Variants in COL6A1 observed in about 807,000 individuals in gnomAD.
COL6A1 encodes collagen type VI alpha 1 chain.
Under a neutral mutation model 145.6 loss-of-function variants are expected in COL6A1, and 80 were observed. That is an observed-to-expected ratio of 0.55 (90% CI 0.46 to 0.66). The LOEUF (loss-of-function observed/expected upper bound fraction) is 0.66. Ranked by LOEUF, COL6A1 falls within the 30% of genes least tolerant of loss-of-function variation. COL6A1 has a pLI of 0.00. For missense variants in COL6A1, 1,364 were observed against 1,473.8 expected, an observed-to-expected ratio of 0.93 and a Z score of 1.22; for synonymous variants, 638 against 622.8, an observed-to-expected ratio of 1.02 and a Z score of -0.36.
chr21:46,001,260 G>A lies in COL6A1; in HGVS notation c.1830G>A (p.Lys610=). ...IMKMCSCCEC[K]CGPIDLLFVL... is the part of the protein sequence containing the mutation. The stretch of plus-strand genomic sequence containing the variant: ...CACCGCCCCCGCCTGCAGAATGCAA[G>A]TGCGGCCCCATCGACCTCCTGTTCG... Residue 610 remains lysine, a synonymous_variant, in exon 30 of 35, where the codon AAG becomes AAA. Transcript: ENST00000361866. 1.9e-6 allele frequency: 3 copies of A among 1,608,288 alleles called. No individual in the cohort carries two copies. Among genetic ancestry groups the A allele is most frequent in the Non-Finnish European group, 1.7e-6 (2 of 1,179,586 alleles).
In COL6A1 at chr21:46,002,328, T is replaced by A; in HGVS notation, c.2177T>A (p.Val726Asp). 6.3e-7 allele frequency: 1 copy of A among 1,592,720 alleles called. No homozygotes were observed. The highest frequency in any genetic ancestry group is 8.5e-7 in the Non-Finnish European group (1 of 1,170,902). ...PPSPNNRIALVITDGRSDTQR... is the reference protein window; with the variant it reads ...PPSPNNRIALDITDGRSDTQR... ...AGCCCGAACAACCGCATCGCCCTGG[T>A]CATCACTGACGGGCGCTCAGACACT... The change falls in exon 32 of 35, where the codon GTC becomes GAC. Residue 726 changes from valine (V) to aspartate (D), a missense_variant. By Grantham distance (152) the Val-to-Asp change is radical. Coordinates refer to ENST00000361866, the MANE Select transcript of COL6A1 (RefSeq NM_001848.3).
rs74982956 is a variant in COL6A1 at position 45,991,080 on chromosome 21, C to T, written c.1119+39C>T. 14,510 of 1,606,404 alleles carry T rather than the reference C, an allele frequency of 9.0e-3. 899 individuals are homozygous for T. In the East Asian group the frequency reaches 0.18, roughly 20 times the overall value. ...GGCCCCTGGAGGACCAGGGCCTTCA[C>T]GGTTGGCCAAGCGCTGAATTGGAAA... On this transcript the variant is annotated intron_variant, in intron 15 of 34. Coordinates refer to ENST00000361866, the MANE Select transcript of COL6A1 (RefSeq NM_001848.3).
rs1010737846 is a variant in COL6A1, at chr21:45,990,625, G to T, written c.1003-148G>T. On this transcript the variant is annotated intron_variant, in intron 13 of 34. Transcript: ENST00000361866. ...AGGGACAGGGAGGAGTGGGGTGGACGGTGTGAAGGTGACCCCAGGGGGGTG... is the reference window on the plus strand; with the variant it reads ...AGGGACAGGGAGGAGTGGGGTGGACTGTGTGAAGGTGACCCCAGGGGGGTG... 1.1e-5 allele frequency: 9 copies of T among 785,746 alleles called. No homozygotes were observed. The African/African-American group carries it at 1.4e-4, about 12-fold the overall frequency. The allele number at this position is 785,746 out of a possible 1,614,324, so 48.7% of individuals were successfully genotyped here. A position where few individuals can be genotyped will look rare whatever the true frequency, so the allele number is the denominator to read the frequency against.
chr21:45,996,362 C>T (rs995371129), intron 20 of COL6A1, among the ~76,000 whole-genome samples: 1 of 152,204 alleles, frequency 6.6e-6, no homozygotes, highest in Non-Finnish European at 1.5e-5. Context: ...GGGCGTTGAC[C>T]ACGAAGGGTG....
chr21:45,990,849 T>C, intron 14 of COL6A1, 23 bp downstream of exon 14: 1 of 1,613,142 alleles, frequency 6.2e-7, no homozygotes, highest in Non-Finnish European at 8.5e-7. Flanking sequence ...CTCTCACTGA[T>C]ACTTTAAAAC....
rs1297112563 is a variant in COL6A1 at position 46,004,703 on chromosome 21, C to G, written c.*690C>G. The G allele has an allele frequency of 1.1e-5, 5 of 453,628 alleles. No individual in the cohort carries two copies. In the Admixed American group the frequency reaches 1.2e-4, roughly 11 times the overall value. The allele number at this position is 453,628 out of a possible 1,614,324, so 28.1% of individuals were successfully genotyped here. On this transcript the variant is annotated 3_prime_UTR_variant, in exon 35 of 35. Transcript: ENST00000361866. The stretch of plus-strand genomic sequence containing the variant: ...GCTGGTGACCGGCCTGGACCTTGGC[C>G]CTACAGCCCTGGAGGCCGCTGCTGA...
chr21:45,996,025 A>C lies in COL6A1; in HGVS notation c.1399-1396A>C, dbSNP rs1431664018. On this transcript the variant is annotated intron_variant, in intron 20 of 34. Transcript: ENST00000361866. Reference sequence around the variant, plus strand: ...CCAGCATGGGGCTCTCCCTGTGTGGATGCCAGAAGCAGTTGGGCCCTCAGG... The same window carrying C: ...CCAGCATGGGGCTCTCCCTGTGTGGCTGCCAGAAGCAGTTGGGCCCTCAGG... 2.0e-5 allele frequency among the ~76,000 whole-genome samples: 3 copies of C among 152,164 alleles called. No homozygotes were observed. The East Asian group carries it at 5.8e-4, about 29-fold the overall frequency.
chr21:46,003,062 CT>C, intron 33 of COL6A1, 57 bp from the exon 34 acceptor site: 2 of 1,613,280 alleles, frequency 1.2e-6, no homozygotes, highest in Non-Finnish European at 1.7e-6. Flanking sequence ...GTGACATCTC[CT>C]TGCGGGGTTA....
At chr21:45,983,693 G>T (rs1174672996) in intron 2 of COL6A1, among the ~76,000 whole-genome samples, 1 of 152,190 alleles carries the variant, frequency 6.6e-6, no homozygotes, top group African/African-American at 2.4e-5. Context: ...CACCGGGGAG[G>T]GGCGGCCGCG....
At chr21:45,992,652 C>T (rs1173686258) in intron 18 of COL6A1, 96 bp from the exon 19 acceptor site, 3 of 1,297,934 alleles carry the variant, frequency 2.3e-6, no homozygotes, top group South Asian at 1.3e-5. Flanking sequence ...AGGGGTCCTG[C>T]TGGGGGAGTC....
chr21:46,002,523 A>T lies in COL6A1; in HGVS notation c.2251-4A>T. ...CGCCACACCGATACTGTCTGTCCCCACAGGTGGTCTCCGTGGGCATCAAAG... is the reference window on the plus strand; with the variant it reads ...CGCCACACCGATACTGTCTGTCCCCTCAGGTGGTCTCCGTGGGCATCAAAG... On this transcript the variant is annotated splice_polypyrimidine_tract_variant and splice_region_variant and intron_variant, in intron 32 of 34. Transcript: ENST00000361866. 3.1e-6 allele frequency: 5 copies of T among 1,613,958 alleles called. No homozygotes were observed. Among genetic ancestry groups the T allele is most frequent in the Non-Finnish European group, 4.2e-6 (5 of 1,179,902 alleles).
At chr21:45,983,248 G>T (rs1265730217) in intron 2 of COL6A1, among the ~76,000 whole-genome samples, 2 of 152,194 alleles carry the variant, frequency 1.3e-5, no homozygotes, top group Admixed American at 6.5e-5. Context: ...GCCAGGAGGG[G>T]TGTCGCTCTG....
Position 45,991,057 on chromosome 21 carries a change from C to A in COL6A1, c.1119+16C>A, listed in dbSNP as rs1370050036. 6.2e-7 allele frequency: 1 copy of A among 1,613,050 alleles called. No homozygotes were observed. Among genetic ancestry groups the A allele is most frequent in the Admixed American group, 1.7e-5 (1 of 60,018 alleles). On this transcript the variant is annotated intron_variant, in intron 15 of 34. Transcript: ENST00000361866. ...AGGAGAAAAGGTGAGTGACTTGCGG[C>A]CCCTGGAGGACCAGGGCCTTCACGG...
Position 45,984,327 on chromosome 21 carries a change from G to T in COL6A1, c.286G>T (p.Glu96Ter). The T allele has an allele frequency of 6.2e-7, 1 of 1,612,276 alleles. No individual in the cohort carries two copies. Among genetic ancestry groups the T allele is most frequent in the Non-Finnish European group, 8.5e-7 (1 of 1,179,734 alleles). ...CGCAGGCGCGCTGCACTACAGTGAC[G>T]AGGTGGAGATCATCCAAGGCCTCAC... ...WNAGALHYSD[E>*]VEIIQGLTRM... is the part of the protein sequence containing the mutation. Residue 96 changes from glutamate to a stop codon, truncating the protein, a stop_gained, in exon 3 of 35, where the codon GAG (glutamate) becomes TAG (stop). Coordinates refer to ENST00000361866, the MANE Select transcript of COL6A1 (RefSeq NM_001848.3). LOFTEE classifies it high-confidence loss of function.
At chr21:45,999,912 T>TCATAGAGGGGA (rs2123485801) in intron 27 of COL6A1, among the ~76,000 whole-genome samples, 1 of 64,982 alleles carries the variant, frequency 1.5e-5, no homozygotes, top group Non-Finnish European at 3.2e-5. Context: ...CATGTGAGGA[T>TCATAGAGGGGA]CATGGGGGAC....
intron 9 of COL6A1, among the ~76,000 whole-genome samples, chr21:45,989,382 G>A (rs568877014): frequency 2.6e-5 from 4 of 152,318 alleles, no homozygotes; most frequent in East Asian, 1.9e-4. Context: ...TGCTCAGGCC[G>A]GCACCGTCCG....
At chr21:45,989,181 CG>C (rs760534094) in intron 9 of COL6A1, 44 bp downstream of exon 9, 3 of 1,562,480 alleles carry the variant, frequency 1.9e-6, no homozygotes, top group Non-Finnish European at 2.6e-6. Flanking sequence ...AAGCTGGAGG[CG>C]GGGAACGACT....
chr21:45,990,155 G>T (rs73374789), intron 11 of COL6A1, 103 bp from the exon 12 acceptor site: 8 of 1,387,910 alleles, frequency 5.8e-6, no homozygotes, highest in Non-Finnish European at 8.2e-6. Flanking sequence ...TTGTCCCCTC[G>T]GGTTGGGGGC....
At chr21:45,990,466 A>ACGGGGAGGGC in intron 13 of COL6A1, 44 bp downstream of exon 13, 1 of 225,864 alleles carries the variant, frequency 4.4e-6, no homozygotes, top group Non-Finnish European at 6.2e-6. Context: ...ACGAGGAGGA[A>ACGGGGAGGGC]TGGGGCGAGA....
Sources: allele counts gnomAD v4.1 joint callset (sites outside exome capture counted in the v4.1 genomes callset), GRCh38; gene constraint gnomAD v4.1.1; transcripts MANE v1.5; gene names NCBI Gene and HGNC (gene_info 2026-07-23, HGNC 2026-07-21).